Variants in ESR1 observed in about 807,000 individuals in gnomAD.
ESR1 encodes the protein estrogen receptor 1.
In ESR1, 12 loss-of-function variants were observed where a neutral mutation model predicts 52.7. That is an observed-to-expected ratio of 0.23 (90% CI 0.15 to 0.37). The LOEUF (loss-of-function observed/expected upper bound fraction) is 0.37, where lower values mean the gene tolerates loss of function less well. Ranked by LOEUF, ESR1 falls within the 10% of genes least tolerant of loss-of-function variation. ESR1 has a pLI of 1.00. For missense variants in ESR1, 584 were observed against 779.7 expected (o/e 0.75, Z 2.99); for synonymous variants, 305 against 316.8 (o/e 0.96, Z 0.39).
chr6:151,718,634 G>A (rs1211965775), intron 2 of ESR1, among the ~76,000 whole-genome samples: 1 of 152,184 alleles, frequency 6.6e-6, no homozygotes, highest in African/African-American at 2.4e-5. Flanking sequence ...ATAGGTTATG[G>A]TGCCCCAGCA....
intron 2 of ESR1, among the ~76,000 whole-genome samples, chr6:151,739,281 G>T (rs1414137688): frequency 6.6e-6 from 1 of 152,164 alleles, no homozygotes; most frequent in East Asian, 1.9e-4. Flanking sequence ...ATTTAGCAAG[G>T]TCCCTGGCAA....
At position 152,035,862 on chromosome 6, in the gene ESR1, G is replaced by GA. The variant is rs552403860; in HGVS notation, c.1235+24077dup. Among the ~76,000 whole-genome samples, 46 of 150,740 alleles carry GA rather than the reference G, an allele frequency of 3.1e-4. No homozygotes were observed. In the South Asian group the frequency reaches 8.4e-3, roughly 27 times the overall value. ...TCCTGACACAATTGATATCTACATA[G>GA]AAAAAAAAACTTAATCCTTCTTTAC... is the stretch of plus-strand genomic sequence containing the variant. On this transcript the variant is annotated intron_variant, in intron 5 of 7. Coordinates refer to ENST00000206249, the MANE Select transcript of ESR1 (RefSeq NM_000125.4).
intron 6 of ESR1, among the ~76,000 whole-genome samples, chr6:152,086,688 G>C (rs2049750932): frequency 6.6e-6 from 1 of 151,628 alleles, no homozygotes; most frequent in African/African-American, 2.4e-5. Flanking sequence ...GGTTGGTTAT[G>C]TAGTCATCTG....
chr6:151,912,204 G>A (rs1798369858), intron 3 of ESR1, among the ~76,000 whole-genome samples: 1 of 152,176 alleles, frequency 6.6e-6, no homozygotes, highest in South Asian at 2.1e-4. Context: ...AAACTTCAAA[G>A]CATTCAGCGT....
intron 4 of ESR1, among the ~76,000 whole-genome samples, chr6:151,969,368 T>C (rs2038657311): frequency 6.6e-6 from 1 of 152,214 alleles, no homozygotes; most frequent in African/African-American, 2.4e-5. Flanking sequence ...TATTTTCATG[T>C]AGAAGGAAGT....
rs2050490553 is a variant in ESR1, at chr6:152,094,911, A to G, written c.1553+343A>G. Among the ~76,000 whole-genome samples, 1 of 152,180 alleles carries G rather than the reference A, an allele frequency of 6.6e-6. No individual in the cohort carries two copies. The highest frequency in any genetic ancestry group is 6.5e-5 in the Admixed American group (1 of 15,282). On this transcript the variant is annotated intron_variant, in intron 7 of 7. Coordinates refer to ENST00000206249, the MANE Select transcript of ESR1 (RefSeq NM_000125.4). The surrounding 1 kb of genome is among the most constrained non-coding windows in gnomAD (Gnocchi z 4.6). ...GTGAATGTACACATCCCCTGAAGACACTGGGTACATCTGTTATGGTCCCTG... is the reference window on the plus strand; with the variant it reads ...GTGAATGTACACATCCCCTGAAGACGCTGGGTACATCTGTTATGGTCCCTG...
chr6:152,126,713 A>T (rs1292078324), exon 7 of ESR1: 1 of 152,176 alleles, frequency 6.6e-6, no homozygotes, highest in Non-Finnish European at 1.5e-5. Flanking sequence ...TACCTAGACA[A>T]TTGCGGGATA....
At chr6:151,734,678 A>G (rs1009177225) in intron 2 of ESR1, among the ~76,000 whole-genome samples, 1 of 151,684 alleles carries the variant, frequency 6.6e-6, no homozygotes, top group Non-Finnish European at 1.5e-5. Context: ...GCTGGAGTGC[A>G]GTGGTGCGAT....
rs2050914085 is a variant in ESR1 at position 152,100,170 on chromosome 6, G to C, written c.*1204G>C. 2 of 398,132 alleles carry C rather than the reference G, an allele frequency of 5.0e-6. No homozygotes were observed. The highest frequency in any genetic ancestry group is 4.4e-5 in the Admixed American group (1 of 22,702). 24.7% of individuals were successfully genotyped at this position (398,132 alleles called of 1,614,324 possible). A position where few individuals can be genotyped will look rare whatever the true frequency, so the allele number is the denominator to read the frequency against. On this transcript the variant is annotated 3_prime_UTR_variant, in exon 8 of 8. Transcript: ENST00000206249. ...TTTGGGGGTGCCCTGGGATCCCTGG[G>C]GTAGTCCAGCTCTTCTTCATTTCCC...
At chr6:151,878,929 G>A (rs1047024401) in intron 2 of ESR1, among the ~76,000 whole-genome samples, 1 of 152,176 alleles carries the variant, frequency 6.6e-6, no homozygotes, top group Non-Finnish European at 1.5e-5. Context: ...AACTTCCTGT[G>A]GGCAGCTGGA....
chr6:151,876,861 A>ACAT (rs1791907282), intron 2 of ESR1, among the ~76,000 whole-genome samples: 1 of 152,006 alleles, frequency 6.6e-6, no homozygotes, highest in African/African-American at 2.4e-5. Context: ...CTTCACCTGA[A>ACAT]CATCACATCG....
At chr6:151,757,273 A>C (rs1315291274) in intron 2 of ESR1, among the ~76,000 whole-genome samples, 1 of 152,072 alleles carries the variant, frequency 6.6e-6, no homozygotes, top group Admixed American at 6.6e-5. Context: ...TACAAAAACA[A>C]GGCTGTACTA....
At chr6:151,969,249 T>A (rs183092566) in intron 4 of ESR1, among the ~76,000 whole-genome samples, 6 of 152,330 alleles carry the variant, frequency 3.9e-5, no homozygotes, top group African/African-American at 1.4e-4. Flanking sequence ...GGTTTATTTT[T>A]AAAAAATATT....
At chr6:152,066,630 A>G (rs1458006649) in intron 6 of ESR1, among the ~76,000 whole-genome samples, 1 of 152,176 alleles carries the variant, frequency 6.6e-6, no homozygotes, top group Non-Finnish European at 1.5e-5. Context: ...TAAGTGGTTC[A>G]TTGTCTCTTC....
intron 4 of ESR1, among the ~76,000 whole-genome samples, chr6:151,965,159 C>T (rs991439401): frequency 1.3e-5 from 2 of 152,010 alleles, no homozygotes; most frequent in African/African-American, 4.8e-5. Context: ...TACCCAGTTG[C>T]GATCATGTAT....
chr6:151,826,227 AC>A (rs1476805823), intron 1 of ESR1, among the ~76,000 whole-genome samples: 9 of 152,372 alleles, frequency 5.9e-5, no homozygotes, highest in African/African-American at 2.2e-4. Context: ...AGTTATAAAT[AC>A]CACCTATAAG....
chr6:151,849,314 C>T (rs866736859), intron 2 of ESR1, among the ~76,000 whole-genome samples: 11 of 152,214 alleles, frequency 7.2e-5, no homozygotes, highest in African/African-American at 1.9e-4. Context: ...ATGTTGGGCA[C>T]GTCCCTACTA....
At position 151,931,227 on chromosome 6, in the gene ESR1, C is replaced by T. The variant is rs548665782; in HGVS notation, c.761-12946C>T. Reference sequence around the variant, plus strand: ...GCTTTTTCATTCTTTTGATTCTTTACATTTCAGTTGGGGACGTTTCTGTTG... The same window carrying T: ...GCTTTTTCATTCTTTTGATTCTTTATATTTCAGTTGGGGACGTTTCTGTTG... On this transcript the variant is annotated intron_variant, in intron 3 of 7. Transcript: ENST00000206249. Among the ~76,000 whole-genome samples, 11 of 152,122 alleles carry T rather than the reference C, an allele frequency of 7.2e-5. No individual in the cohort carries two copies. The South Asian group carries it at 2.3e-3, about 32-fold the overall frequency.
In ESR1 at chr6:151,880,417, G is replaced by A. The variant is rs12207459; in HGVS notation, c.644-238G>A. On this transcript the variant is annotated intron_variant, in intron 2 of 7. Transcript: ENST00000206249. ...AGGCTGGTCTTGAACTCCTGACGTC[G>A]TGATCCACCTGCCTCGGCCTCCCAA... 1.2e-3 allele frequency among the ~76,000 whole-genome samples: 180 copies of A among 151,990 alleles called. 1 individual carries two copies. The highest frequency in any genetic ancestry group is 1.9e-3 in the Non-Finnish European group (130 of 67,932).
Sources: allele counts gnomAD v4.1 joint callset (sites outside exome capture counted in the v4.1 genomes callset), GRCh38; gene constraint gnomAD v4.1.1; non-coding constraint Gnocchi (gnomAD v3.1); transcripts MANE v1.5; gene names NCBI Gene and HGNC (gene_info 2026-07-23, HGNC 2026-07-21).